Variants in UGT2B11 observed in about 807,000 individuals in gnomAD.
The protein encoded by UGT2B11 is UDP-glucuronosyltransferase 2B11.
In UGT2B11, 49 loss-of-function variants were observed where a neutral mutation model predicts 51.7. The ratio of observed to expected loss-of-function variants is 0.95; its 90% CI spans 0.75 to 1.20. UGT2B11 has a LOEUF of 1.20. Ranked by LOEUF, UGT2B11 falls within the 50% of genes most tolerant of loss-of-function variation. The pLI is 0.00. For missense variants in UGT2B11, 810 were observed against 622.1 expected (o/e 1.30, Z -3.21); for synonymous variants, 273 against 209.0 (o/e 1.31, Z -2.64).
the UGT2B11 span, among the ~76,000 whole-genome samples, chr4:69,221,406 C>T: frequency 0.01 from 1,559 of 152,188 alleles, 27 homozygotes; most frequent in African/African-American, 0.036. Flanking sequence ...AATGGTGGGG[C>T]CTTTTAGCTT....
upstream of UGT2B11, chr4:69,215,761 T>G (rs561143341): frequency 1.2e-4 from 18 of 152,002 alleles, no homozygotes; most frequent in Non-Finnish European, 2.4e-4. Flanking sequence ...TTTCAATGTC[T>G]CCACAACCTT....
chr4:69,213,595 A>C (rs746882236), intron 1 of UGT2B11, among the ~76,000 whole-genome samples: 1 of 151,884 alleles, frequency 6.6e-6, no homozygotes, highest in African/African-American at 2.4e-5. Context: ...GAGATTTACA[A>C]GGAAAACTTT....
At position 69,205,369 on chromosome 4, in the gene UGT2B11, A is replaced by T. The variant is rs1202624511; in HGVS notation, c.1090+111T>A. The T allele has an allele frequency of 2.3e-5, 32 of 1,412,208 alleles. No homozygotes were observed. In the South Asian group the frequency reaches 3.9e-4, roughly 17 times the overall value. The allele number at this position is 1,412,208 out of a possible 1,614,324, so 87.5% of individuals were successfully genotyped here. A position where few individuals can be genotyped will look rare whatever the true frequency, so the allele number is the denominator to read the frequency against. ...TTTCCCCTAGGACTGGAAAATAAAT[A>T]CAAAGAAGTTCTTTTTTGTTTTCCT... On this transcript the variant is annotated intron_variant, in intron 4 of 5. Coordinates refer to ENST00000446444, the MANE Select transcript of UGT2B11 (RefSeq NM_001073.3).
At chr4:69,223,899 A>G in the UGT2B11 span, among the ~76,000 whole-genome samples, 3 of 152,176 alleles carry the variant, frequency 2.0e-5, no homozygotes, top group East Asian at 3.9e-4. Context: ...CATGCACCAC[A>G]GATTGTACTT....
upstream of UGT2B11, chr4:69,215,522 T>G (rs920816025): frequency 1.1e-4 from 16 of 152,056 alleles, no homozygotes; most frequent in Admixed American, 8.5e-4. Context: ...ATTTATTCAT[T>G]TATAAGTTGA....
chr4:69,212,559 A>C lies in UGT2B11; in HGVS notation c.870+14T>G. The C allele has an allele frequency of 6.3e-7, 1 of 1,598,632 alleles. No individual in the cohort carries two copies. Among genetic ancestry groups the C allele is most frequent in the Non-Finnish European group, 8.5e-7 (1 of 1,174,338 alleles). On this transcript the variant is annotated intron_variant, in intron 2 of 5. Coordinates refer to ENST00000446444, the MANE Select transcript of UGT2B11 (RefSeq NM_001073.3). The stretch of plus-strand genomic sequence containing the variant: ...TCGAAGCCAACAAAATAAAACCAAC[A>C]AAAGTATGTTTACCTTAGGTAGGGG...
intron 5 of UGT2B11, among the ~76,000 whole-genome samples, chr4:69,204,132 C>T (rs1302379561): frequency 6.9e-6 from 1 of 145,570 alleles, no homozygotes. Flanking sequence ...TTTATTCTTC[C>T]TTTCTTCTAT....
chr4:69,200,733 A>C lies in UGT2B11; in HGVS notation c.1311-14T>G, dbSNP rs1721627978. Reference sequence around the variant, plus strand: ...TTCTCTTTATATCTGAAGGATAAAAATAAGGATACCAACACTGAAAGTAAG... The same window carrying C: ...TTCTCTTTATATCTGAAGGATAAAACTAAGGATACCAACACTGAAAGTAAG... On this transcript the variant is annotated splice_polypyrimidine_tract_variant and intron_variant, in intron 5 of 5. Transcript: ENST00000446444. 8 of 1,601,740 alleles carry C rather than the reference A, an allele frequency of 5.0e-6. No homozygotes were observed. The highest frequency in any genetic ancestry group is 4.3e-6 in the Non-Finnish European group (5 of 1,174,236).
intron 5 of UGT2B11, among the ~76,000 whole-genome samples, chr4:69,202,674 C>T (rs1237989345): frequency 4.6e-5 from 7 of 151,602 alleles, no homozygotes; most frequent in African/African-American, 1.7e-4. Flanking sequence ...GTTTTATGTC[C>T]TTACTCATTA....
At chr4:69,206,325 G>A (rs1016556048) in intron 3 of UGT2B11, among the ~76,000 whole-genome samples, 4 of 151,672 alleles carry the variant, frequency 2.6e-5, no homozygotes, top group African/African-American at 9.7e-5. Flanking sequence ...ATTTTGCAGG[G>A]ATAAGGATGG....
At chr4:69,222,443 T>C in the UGT2B11 span, among the ~76,000 whole-genome samples, 1 of 152,152 alleles carries the variant, frequency 6.6e-6, no homozygotes, top group Admixed American at 6.5e-5. Flanking sequence ...AAAATGCAAG[T>C]TTGCAAATGC....
At chr4:69,201,975 C>T (rs545045480) in intron 5 of UGT2B11, among the ~76,000 whole-genome samples, 1 of 151,836 alleles carries the variant, frequency 6.6e-6, no homozygotes, top group Admixed American at 6.6e-5. Flanking sequence ...TTTTTCTGAA[C>T]CTTTTAGTGA....
intron 5 of UGT2B11, among the ~76,000 whole-genome samples, chr4:69,203,891 A>G (rs1721751672): frequency 1.3e-5 from 2 of 151,268 alleles, no homozygotes; most frequent in African/African-American, 4.8e-5. Context: ...TTGTGTTGAT[A>G]AAAATGTTCT....
chr4:69,221,006 C>A, the UGT2B11 span, among the ~76,000 whole-genome samples: 1 of 152,140 alleles, frequency 6.6e-6, no homozygotes, highest in African/African-American at 2.4e-5. Context: ...CAGTCCCAAG[C>A]CTGCCTAGTA....
Position 69,212,600 on chromosome 4 carries a change from G to C in UGT2B11, c.843C>G (p.His281Gln). 1.2e-6 allele frequency: 2 copies of C among 1,608,502 alleles called. No homozygotes were observed. The highest frequency in any genetic ancestry group is 1.7e-6 in the Non-Finnish European group (2 of 1,176,870). ...LPNVDFVGGF[H>Q]CKPAKPLPKE... Reference sequence around the variant, plus strand: ...TAGGTAGGGGTTTGGCAGGTTTGCAGTGGAATCCTCCAACAAAATCAACGT... The same window carrying C: ...TAGGTAGGGGTTTGGCAGGTTTGCACTGGAATCCTCCAACAAAATCAACGT... Residue 281 changes from histidine to glutamine, a missense_variant, in exon 2 of 6, where the codon CAC becomes CAG. By Grantham distance (24) the His-to-Gln change is conservative (BLOSUM62 0). Coordinates refer to ENST00000446444, the MANE Select transcript of UGT2B11 (RefSeq NM_001073.3).
intron 2 of UGT2B11, among the ~76,000 whole-genome samples, chr4:69,211,480 A>G (rs1722062844): frequency 1.3e-5 from 2 of 151,622 alleles, no homozygotes; most frequent in Admixed American, 6.6e-5. Flanking sequence ...ATGATATCTC[A>G]AGTGACTTGC....
intron 2 of UGT2B11, among the ~76,000 whole-genome samples, chr4:69,210,347 G>T (rs183086937): frequency 6.6e-6 from 1 of 151,246 alleles, no homozygotes; most frequent in African/African-American, 2.4e-5. Flanking sequence ...TAATAACTAC[G>T]CATTTTTAAA....
At chr4:69,209,678 A>G (rs1721984681) in intron 2 of UGT2B11, among the ~76,000 whole-genome samples, 1 of 151,636 alleles carries the variant, frequency 6.6e-6, no homozygotes, top group Non-Finnish European at 1.5e-5. Context: ...TTGTACTACT[A>G]TTCCACGTAA....
the UGT2B11 span, among the ~76,000 whole-genome samples, chr4:69,220,254 G>A: frequency 0.011 from 131 of 12,146 alleles, no homozygotes; most frequent in South Asian, 0.27. Flanking sequence ...CATGGTCTTC[G>A]GCAGTTCAAC....
Sources: gnomAD v4.1 joint callset for allele counts (sites outside exome capture counted in the v4.1 genomes callset) on GRCh38, gnomAD v4.1.1 for gene constraint, MANE v1.5 for transcripts, NCBI Gene and HGNC (gene_info 2026-07-23, HGNC 2026-07-21) for gene names.